Variants in SORCS1 observed in about 807,000 individuals in gnomAD.
SORCS1 encodes the protein sortilin related VPS10 domain containing receptor 1.
Under a neutral mutation model 146.1 loss-of-function variants are expected in SORCS1, and 60 were observed. The ratio of observed to expected loss-of-function variants is 0.41; its 90% CI spans 0.33 to 0.51. The LOEUF is 0.51. Ranked by LOEUF, SORCS1 falls within the 20% of genes least tolerant of loss-of-function variation. SORCS1 has a pLI of 0.21. For missense variants in SORCS1, 1,352 were observed against 1,487.6 expected, an observed-to-expected ratio of 0.91 and a Z score of 1.50; for synonymous variants, 637 against 584.0, an observed-to-expected ratio of 1.09 and a Z score of -1.31.
intron 2 of SORCS1, among the ~76,000 whole-genome samples, chr10:106,897,049 C>G (rs1951514407): frequency 6.6e-6 from 1 of 151,940 alleles, no homozygotes; most frequent in Non-Finnish European, 1.5e-5. Context: ...TGCCACCGCG[C>G]CCGGCTAATT....
intron 2 of SORCS1, among the ~76,000 whole-genome samples, chr10:106,877,689 A>G (rs1950642852): frequency 6.6e-6 from 1 of 152,114 alleles, no homozygotes; most frequent in Admixed American, 6.5e-5. Flanking sequence ...TCCTGACAGA[A>G]TCCAGTCCCT....
chr10:106,684,319 C>A (rs1023480215), intron 10 of SORCS1, among the ~76,000 whole-genome samples: 1 of 152,262 alleles, frequency 6.6e-6, no homozygotes, highest in African/African-American at 2.4e-5. Context: ...GCCTGGGTGA[C>A]AAAGTGAGAC....
intron 14 of SORCS1, 111 bp from the exon 15 acceptor site, chr10:106,673,096 C>A: frequency 4.0e-6 from 3 of 754,208 alleles, no homozygotes; most frequent in South Asian, 1.8e-5. Context: ...TTACATGAAT[C>A]ATATCATTTA....
chr10:107,005,425 G>A (rs756544254), intron 1 of SORCS1, among the ~76,000 whole-genome samples: 1 of 152,008 alleles, frequency 6.6e-6, no homozygotes, highest in Non-Finnish European at 1.5e-5. Context: ...TTTTAAATGT[G>A]GAATCATATA....
At chr10:107,167,631 C>T (rs984836394), upstream of SORCS1, among the ~76,000 whole-genome samples, 5 of 152,102 alleles carry the variant, frequency 3.3e-5, no homozygotes, top group East Asian at 1.9e-4. Context: ...GGCACAAGCA[C>T]ACTCAGGTGA....
chr10:106,819,546 G>A (rs1947912289), intron 3 of SORCS1, among the ~76,000 whole-genome samples: 1 of 152,154 alleles, frequency 6.6e-6, no homozygotes, highest in African/African-American at 2.4e-5. Context: ...AGAGATCATT[G>A]CACAGTGGTA....
At chr10:107,108,626 A>T (rs961824765) in intron 1 of SORCS1, among the ~76,000 whole-genome samples, 2 of 152,066 alleles carry the variant, frequency 1.3e-5, no homozygotes, top group African/African-American at 4.8e-5. Context: ...AGGAAGAAAA[A>T]TCCACACTAT....
chr10:107,062,779 C>G (rs1414615899), intron 1 of SORCS1, among the ~76,000 whole-genome samples: 1 of 152,190 alleles, frequency 6.6e-6, no homozygotes, highest in Non-Finnish European at 1.5e-5. Context: ...ATTCCCATAA[C>G]TCAACAAGAT....
chr10:106,758,137 C>A (rs1858798206), intron 5 of SORCS1, among the ~76,000 whole-genome samples: 1 of 152,080 alleles, frequency 6.6e-6, no homozygotes, highest in African/African-American at 2.4e-5. Context: ...AATTTTATGG[C>A]TTTTGATTAG....
At chr10:106,844,575 T>A (rs992400241) in intron 2 of SORCS1, among the ~76,000 whole-genome samples, 5 of 151,682 alleles carry the variant, frequency 3.3e-5, no homozygotes, top group Non-Finnish European at 7.4e-5. Flanking sequence ...TTTTTTTTTT[T>A]AATTATTATT....
At position 106,654,943 on chromosome 10, in the gene SORCS1, A is replaced by T. The variant is rs1321829480; in HGVS notation, c.2304-2390T>A. On this transcript the variant is annotated intron_variant, in intron 17 of 25. Coordinates refer to ENST00000263054, the MANE Select transcript of SORCS1 (RefSeq NM_052918.5). ...TTTATTATGGCTCACTGCAGCTTCC[A>T]CCTCCTGGGTTCAAGCGATTCTCTC... 2.7e-5 allele frequency among the ~76,000 whole-genome samples: 4 copies of T among 150,676 alleles called. No homozygotes were observed. In the East Asian group the frequency reaches 7.8e-4, roughly 29 times the overall value.
chr10:107,081,457 T>C (rs1963330899), intron 1 of SORCS1, among the ~76,000 whole-genome samples: 1 of 152,236 alleles, frequency 6.6e-6, no homozygotes, highest in Non-Finnish European at 1.5e-5. Flanking sequence ...ACTTTCCATT[T>C]AGAGAACTGT....
chr10:106,984,406 T>TTTTA (rs1318596199), intron 1 of SORCS1, among the ~76,000 whole-genome samples: 1 of 148,798 alleles, frequency 6.7e-6, no homozygotes, highest in Non-Finnish European at 1.5e-5. Flanking sequence ...TTTTTTTTTT[T>TTTTA]TTTTTGAGAC....
intron 1 of SORCS1, among the ~76,000 whole-genome samples, chr10:106,998,408 A>G (rs1957085802): frequency 6.6e-6 from 1 of 152,212 alleles, no homozygotes; most frequent in Admixed American, 6.5e-5. Flanking sequence ...ATGTTCAATT[A>G]AGAAACACAT....
chr10:106,753,419 G>C (rs1798125290), intron 5 of SORCS1, among the ~76,000 whole-genome samples: 1 of 152,118 alleles, frequency 6.6e-6, no homozygotes, highest in Non-Finnish European at 1.5e-5. Flanking sequence ...GACCTCGTGT[G>C]TATATAACAA....
chr10:106,728,162 G>T (rs530098753), intron 6 of SORCS1, among the ~76,000 whole-genome samples: 1 of 152,006 alleles, frequency 6.6e-6, no homozygotes, highest in Non-Finnish European at 1.5e-5. Context: ...CTCCCAAGTC[G>T]CTGGGACAAC....
At chr10:107,024,686 A>G (rs1471223243) in intron 1 of SORCS1, among the ~76,000 whole-genome samples, 5 of 152,164 alleles carry the variant, frequency 3.3e-5, no homozygotes, top group Non-Finnish European at 4.4e-5. Context: ...ACAAGTAGCA[A>G]TACCTGGTCA....
chr10:106,666,625 C>T (rs1487883003), intron 17 of SORCS1, among the ~76,000 whole-genome samples: 2 of 151,506 alleles, frequency 1.3e-5, no homozygotes, highest in South Asian at 2.1e-4. Context: ...GGTGCAATCC[C>T]GGCTCACTGC....
At chr10:106,724,156 G>A (rs113870970) in intron 6 of SORCS1, among the ~76,000 whole-genome samples, 10 of 152,202 alleles carry the variant, frequency 6.6e-5, no homozygotes, top group African/African-American at 2.4e-4. Flanking sequence ...AATACTACTC[G>A]AGTTAATTTC....
Sources: gnomAD v4.1 joint callset for allele counts (sites outside exome capture counted in the v4.1 genomes callset) on GRCh38, gnomAD v4.1.1 for gene constraint, MANE v1.5 for transcripts, NCBI Gene and HGNC (gene_info 2026-07-23, HGNC 2026-07-21) for gene names.